The following HERC3 variants were observed in gnomAD, a reference collection of about 807,000 sequenced individuals.
HERC3 encodes probable E3 ubiquitin-protein ligase HERC3.
In HERC3, 58 loss-of-function variants were observed where a neutral mutation model predicts 129.9. The observed-to-expected ratio is 0.45, with a 90% CI of 0.36 to 0.56. HERC3 has a LOEUF of 0.56. Among genes scored for constraint, HERC3 ranks in the 20% least tolerant of loss-of-function variants. The pLI is 0.00. For missense variants in HERC3, 835 were observed against 1,244.2 expected (o/e 0.67, Z 4.95); for synonymous variants, 430 against 451.0 (o/e 0.95, Z 0.59).
chr4:88,548,991 G>C, the HERC3 span, among the ~76,000 whole-genome samples: 1 of 152,012 alleles, frequency 6.6e-6, no homozygotes, highest in East Asian at 1.9e-4. Context: ...GGTGTCCTTT[G>C]CAGTACAGTT....
chr4:88,687,886 TTAGAG>T (rs1419091621), intron 23 of HERC3, among the ~76,000 whole-genome samples: 2 of 152,176 alleles, frequency 1.3e-5, no homozygotes, highest in East Asian at 1.9e-4. Flanking sequence ...AGTTAACTCT[TTAGAG>T]GAGAGAAGAT....
the HERC3 span, among the ~76,000 whole-genome samples, chr4:88,558,062 ACT>A: frequency 7.5e-6 from 1 of 133,260 alleles, no homozygotes; most frequent in Admixed American, 8.2e-5. Flanking sequence ...CGAGAGCGAG[ACT>A]CTGACTCAAA....
the HERC3 span, among the ~76,000 whole-genome samples, chr4:88,551,676 A>T: frequency 6.6e-6 from 1 of 152,206 alleles, no homozygotes; most frequent in South Asian, 2.1e-4. Context: ...ACACTTTTAC[A>T]CTGTTGGTGG....
the HERC3 span, among the ~76,000 whole-genome samples, chr4:88,551,158 G>C: frequency 6.6e-6 from 1 of 151,936 alleles, no homozygotes; most frequent in African/African-American, 2.4e-5. Context: ...AGACTTAAAC[G>C]TTAGACCTAA....
At chr4:88,540,524 A>G in the HERC3 span, among the ~76,000 whole-genome samples, 6 of 152,266 alleles carry the variant, frequency 3.9e-5, no homozygotes, top group African/African-American at 1.4e-4. Context: ...AACACTCTTC[A>G]GGATATTATC....
At chr4:88,624,711 A>C (rs1283374950) in intron 3 of HERC3, among the ~76,000 whole-genome samples, 1 of 152,158 alleles carries the variant, frequency 6.6e-6, no homozygotes, top group Non-Finnish European at 1.5e-5. Flanking sequence ...TTTAATTTTA[A>C]TGAAGTCTAA....
At chr4:88,617,869 T>TCA (rs1725089415) in intron 3 of HERC3, among the ~76,000 whole-genome samples, 1 of 145,714 alleles carries the variant, frequency 6.9e-6, no homozygotes. Flanking sequence ...AGACTCCGTC[T>TCA]AAAGGAAAAA....
intron 21 of HERC3, among the ~76,000 whole-genome samples, chr4:88,683,223 A>G (rs1733003809): frequency 6.6e-6 from 1 of 152,032 alleles, no homozygotes. Context: ...GTTTCTCTGT[A>G]TTGGTTTTGG....
intron 3 of HERC3, among the ~76,000 whole-genome samples, chr4:88,622,059 G>A (rs1029038069): frequency 6.6e-5 from 10 of 152,242 alleles, no homozygotes; most frequent in Middle Eastern, 3.4e-3. Flanking sequence ...GTATATTCAC[G>A]GAGTTGTATA....
chr4:88,590,276 A>G (rs138243542), upstream of HERC3, among the ~76,000 whole-genome samples: 1 of 151,246 alleles, frequency 6.6e-6, no homozygotes, highest in East Asian at 2.0e-4. Context: ...TCAAAAAAAC[A>G]AACTCCGGGC....
chr4:88,627,904 CA>C (rs60358778), intron 3 of HERC3, among the ~76,000 whole-genome samples: 25,614 of 80,404 alleles, frequency 0.32, 2,485 homozygotes, highest in African/African-American at 0.45. Flanking sequence ...AACTCCGTCT[CA>C]AAAAAAAAAA....
upstream of HERC3, among the ~76,000 whole-genome samples, chr4:88,588,583 C>A (rs955183993): frequency 2.0e-5 from 3 of 152,190 alleles, no homozygotes; most frequent in African/African-American, 7.2e-5. Flanking sequence ...AATGGTGTAT[C>A]TGAGAGACAG....
chr4:88,610,642 G>T (rs1325626480), intron 3 of HERC3, among the ~76,000 whole-genome samples: 1 of 152,026 alleles, frequency 6.6e-6, no homozygotes, highest in Non-Finnish European at 1.5e-5. Flanking sequence ...CTTCTATCAG[G>T]CAGCCTCACT....
chr4:88,625,941 A>G (rs548317352), intron 3 of HERC3, among the ~76,000 whole-genome samples: 15 of 152,110 alleles, frequency 9.9e-5, no homozygotes, highest in Non-Finnish European at 1.9e-4. Flanking sequence ...AAGATGGTAA[A>G]TTGCATTGAT....
At chr4:88,687,488 C>G (rs888599411) in intron 23 of HERC3, among the ~76,000 whole-genome samples, 189 bp downstream of exon 23, 1 of 152,212 alleles carries the variant, frequency 6.6e-6, no homozygotes, top group Non-Finnish European at 1.5e-5. Context: ...GGCCTAGATT[C>G]AGGAGATGAC....
At position 88,608,956 on chromosome 4, in the gene HERC3, C is replaced by T. The variant is rs567051663; in HGVS notation, c.226+2907C>T. Among the ~76,000 whole-genome samples, 6 of 152,156 alleles carry T rather than the reference C, an allele frequency of 3.9e-5. No homozygotes were observed. In the South Asian group the frequency reaches 1.2e-3, roughly 32 times the overall value. On this transcript the variant is annotated intron_variant, in intron 3 of 25. Coordinates refer to ENST00000402738, the MANE Select transcript of HERC3 (RefSeq NM_014606.3). ...GCAAGGTTATGGTGAAGTTTGGAATCAGATAAAACTAATGGAGGCATTACA... is the reference window on the plus strand; with the variant it reads ...GCAAGGTTATGGTGAAGTTTGGAATTAGATAAAACTAATGGAGGCATTACA...
chr4:88,626,123 G>T (rs1726069073), intron 3 of HERC3, among the ~76,000 whole-genome samples: 1 of 152,116 alleles, frequency 6.6e-6, no homozygotes, highest in Non-Finnish European at 1.5e-5. Flanking sequence ...GGTAATGCTG[G>T]CCTCATGAAA....
chr4:88,689,941 T>A lies in HERC3; in HGVS notation c.2657+2642T>A, dbSNP rs57605284. ...GATCTCATACATCATTCATTAACCA[T>A]TTTTTTTTTGTCATGTTAACCTTCC... On this transcript the variant is annotated intron_variant, in intron 23 of 25. Coordinates refer to ENST00000402738, the MANE Select transcript of HERC3 (RefSeq NM_014606.3). 327 of 590,406 alleles carry A rather than the reference T, an allele frequency of 5.5e-4. No individual in the cohort carries two copies. The African/African-American group carries it at 0.011, about 21-fold the overall frequency. The allele number at this position is 590,406 out of a possible 1,614,324, so 36.6% of individuals were successfully genotyped here. A position where few individuals can be genotyped will look rare whatever the true frequency, so the allele number is the denominator to read the frequency against.
At chr4:88,621,620 T>G (rs1366264737) in intron 3 of HERC3, among the ~76,000 whole-genome samples, 3 of 152,254 alleles carry the variant, frequency 2.0e-5, no homozygotes, top group African/African-American at 7.2e-5. Context: ...AGGCATTTGC[T>G]TGATGGCCTG....
Sources: gnomAD v4.1 joint callset for allele counts (sites outside exome capture counted in the v4.1 genomes callset) on GRCh38, gnomAD v4.1.1 for gene constraint, MANE v1.5 for transcripts, NCBI Gene and HGNC (gene_info 2026-07-23, HGNC 2026-07-21) for gene names.